Variants in EFCAB6 observed in about 807,000 individuals in gnomAD.
EFCAB6 encodes the protein EF-hand calcium binding domain 6.
A neutral mutation model predicts 169.8 loss-of-function variants in EFCAB6; 156 were observed. That is an observed-to-expected ratio of 0.92 (90% CI 0.81 to 1.05). The LOEUF is 1.05. EFCAB6 is among the 50% of genes least tolerant of loss of function. EFCAB6 has a pLI of 0.00. For missense variants in EFCAB6, 1,800 were observed against 1,829.1 expected (o/e 0.98, Z 0.29); for synonymous variants, 698 against 676.4 (o/e 1.03, Z -0.50).
chr22:43,732,125 G>C (rs568348384), intron 7 of EFCAB6, among the ~76,000 whole-genome samples: 1 of 152,314 alleles, frequency 6.6e-6, no homozygotes, highest in Non-Finnish European at 1.5e-5. Context: ...TGGCAGAAGG[G>C]GAGCTGGGGC....
At chr22:43,533,899 T>C (rs932015363) in intron 30 of EFCAB6, among the ~76,000 whole-genome samples, 3 of 152,358 alleles carry the variant, frequency 2.0e-5, no homozygotes, top group Non-Finnish European at 4.4e-5. Context: ...GGCTCTGGCC[T>C]CCTGGAGCCT....
chr22:43,796,362 A>G (rs1043124904), intron 2 of EFCAB6, among the ~76,000 whole-genome samples: 2 of 152,202 alleles, frequency 1.3e-5, no homozygotes, highest in Non-Finnish European at 2.9e-5. Flanking sequence ...AAATTAAGTA[A>G]TTGTGTTTTG....
chr22:43,723,746 G>GT (rs1259095046), intron 8 of EFCAB6, among the ~76,000 whole-genome samples: 3 of 152,180 alleles, frequency 2.0e-5, no homozygotes, highest in African/African-American at 7.2e-5. Context: ...CTGGGCCCAC[G>GT]TGAGCCCCAG....
At chr22:43,812,055 G>T (rs2063150074) in intron 1 of EFCAB6, 113 bp downstream of exon 1, 1 of 152,262 alleles carries the variant, frequency 6.6e-6, no homozygotes, top group Non-Finnish European at 1.5e-5. Context: ...TCGTCCCTGG[G>T]GGTGGGCAGC....
intron 2 of EFCAB6, among the ~76,000 whole-genome samples, chr22:43,808,772 G>C (rs976737046): frequency 2.6e-5 from 4 of 152,226 alleles, no homozygotes; most frequent in African/African-American, 9.6e-5. Flanking sequence ...CCAGCAGGAA[G>C]AACTGGCAGG....
intron 21 of EFCAB6, among the ~76,000 whole-genome samples, chr22:43,609,188 C>T (rs569268649): frequency 5.3e-5 from 8 of 152,266 alleles, no homozygotes; most frequent in South Asian, 2.1e-4. Flanking sequence ...GTGGATATAA[C>T]GGGTACATCT....
chr22:43,570,087 C>T (rs1471249063), intron 26 of EFCAB6: 1 of 152,124 alleles, frequency 6.6e-6, no homozygotes, highest in Non-Finnish European at 1.5e-5. Flanking sequence ...TGTACTTTAC[C>T]ATCCCTTTGG....
At chr22:43,797,929 T>C (rs747675238) in intron 2 of EFCAB6, among the ~76,000 whole-genome samples, 1 of 152,192 alleles carries the variant, frequency 6.6e-6, no homozygotes, top group Non-Finnish European at 1.5e-5. Context: ...TTAGACCACC[T>C]ATTCCTCGCC....
chr22:43,766,280 G>C (rs916702536), intron 4 of EFCAB6, among the ~76,000 whole-genome samples: 4 of 152,026 alleles, frequency 2.6e-5, no homozygotes, highest in Admixed American at 2.0e-4. Flanking sequence ...TGATATGCCT[G>C]CCTCAGCCTC....
intron 24 of EFCAB6, among the ~76,000 whole-genome samples, chr22:43,586,809 G>A (rs1258440652): frequency 1.3e-5 from 2 of 152,174 alleles, no homozygotes; most frequent in Non-Finnish European, 2.9e-5. Flanking sequence ...CGAGCCCACT[G>A]AATCAGAAAC....
chr22:43,755,011 TC>T (rs1327189975), intron 6 of EFCAB6, among the ~76,000 whole-genome samples: 21 of 152,226 alleles, frequency 1.4e-4, no homozygotes, highest in Admixed American at 1.1e-3. Flanking sequence ...GTTAATGGTA[TC>T]AGCTAGGGAA....
At chr22:43,588,877 G>C (rs1347760775) in intron 24 of EFCAB6, among the ~76,000 whole-genome samples, 1 of 152,152 alleles carries the variant, frequency 6.6e-6, no homozygotes. Flanking sequence ...TGATGAGCTA[G>C]TCACAGCAAA....
intron 17 of EFCAB6, among the ~76,000 whole-genome samples, chr22:43,656,813 G>GGAGGCTATAGCAA (rs71313361): frequency 0.22 from 31,970 of 146,960 alleles, 4,883 homozygotes; most frequent in East Asian, 0.6. Context: ...TAGCTGTGTA[G>GGAGGCTATAGCAA]GAGGCTATAG....
At chr22:43,770,041 G>A (rs2061423158) in intron 4 of EFCAB6, among the ~76,000 whole-genome samples, 1 of 152,022 alleles carries the variant, frequency 6.6e-6, no homozygotes, top group Admixed American at 6.6e-5. Context: ...ATTTTTAGTA[G>A]AGACGGGGTT....
At chr22:43,769,117 G>C (rs1156411197) in intron 4 of EFCAB6, among the ~76,000 whole-genome samples, 1 of 152,208 alleles carries the variant, frequency 6.6e-6, no homozygotes, top group African/African-American at 2.4e-5. Flanking sequence ...GCCGATCAAA[G>C]GGTAAACAAA....
intron 18 of EFCAB6, among the ~76,000 whole-genome samples, chr22:43,633,699 G>T (rs1028097817): frequency 4.3e-4 from 65 of 152,330 alleles, no homozygotes; most frequent in Non-Finnish European, 3.8e-4. Flanking sequence ...CTCTGCACCT[G>T]TTGCTCCTGC....
chr22:43,712,817 C>T (rs765371003), intron 9 of EFCAB6, among the ~76,000 whole-genome samples: 22 of 151,830 alleles, frequency 1.4e-4, no homozygotes, highest in South Asian at 8.3e-4. Flanking sequence ...AGTGTTTCTG[C>T]GATGATCAAG....
At chr22:43,594,275 C>CAAAAAAAAAA (rs750560174) in intron 23 of EFCAB6, among the ~76,000 whole-genome samples, 75 of 81,384 alleles carry the variant, frequency 9.2e-4, no homozygotes, top group Non-Finnish European at 1.1e-3. Context: ...AACTCTGTTT[C>CAAAAAAAAAA]AAAAAAAAAA....
chr22:43,664,175 G>C lies in EFCAB6; in HGVS notation c.1983+2929C>G, dbSNP rs577597833. ...CCAGAGTAATTCATGGGGCAGAGAA[G>C]AGCACAGGGGTTGGAGGGCTCTGGC... On this transcript the variant is annotated intron_variant, in intron 17 of 31. Transcript: ENST00000262726. 7.9e-5 allele frequency among the ~76,000 whole-genome samples: 12 copies of C among 152,334 alleles called. No individual in the cohort carries two copies. The South Asian group carries it at 2.1e-3, about 26-fold the overall frequency.
Sources: allele counts gnomAD v4.1 joint callset (sites outside exome capture counted in the v4.1 genomes callset), GRCh38; gene constraint gnomAD v4.1.1; transcripts MANE v1.5; gene names NCBI Gene and HGNC (gene_info 2026-07-23, HGNC 2026-07-21).